Variants in GALNT14 observed in about 807,000 individuals in gnomAD.
GALNT14 encodes the protein polypeptide N-acetylgalactosaminyltransferase 14, also known as UDP-GalNAc:polypeptide N-acetylgalactosaminyltransferase 14.
In GALNT14, 60 loss-of-function variants were observed where a neutral mutation model predicts 77.5. That is an observed-to-expected ratio of 0.77 (90% confidence interval 0.63 to 0.96). The LOEUF is 0.96. Ranked by LOEUF, GALNT14 falls within the 40% of genes least tolerant of loss-of-function variation. GALNT14 has a pLI of 0.00. For synonymous variants in GALNT14, 280 were observed against 281.7 expected (o/e 0.99, Z 0.06); for missense variants, 710 against 731.0 (o/e 0.97, Z 0.33).
At chr2:30,976,886 C>T (rs1223978141) in intron 2 of GALNT14, among the ~76,000 whole-genome samples, 1 of 152,104 alleles carries the variant, frequency 6.6e-6, no homozygotes, top group African/African-American at 2.4e-5. Context: ...TGCACAGTAA[C>T]TCCCCGAGGT....
At chr2:31,047,711 G>A (rs1318855014) in intron 1 of GALNT14, among the ~76,000 whole-genome samples, 1 of 152,202 alleles carries the variant, frequency 6.6e-6, no homozygotes, top group Non-Finnish European at 1.5e-5. Context: ...GCCCAGGAGA[G>A]CATTTTCAAG....
chr2:31,049,723 A>G (rs1194279495), intron 1 of GALNT14, among the ~76,000 whole-genome samples: 1 of 152,160 alleles, frequency 6.6e-6, no homozygotes, highest in Non-Finnish European at 1.5e-5. Context: ...CCCAACCACA[A>G]ACTTGTGGCC....
chr2:31,112,187 A>G (rs574147540), intron 1 of GALNT14, among the ~76,000 whole-genome samples: 35 of 152,256 alleles, frequency 2.3e-4, no homozygotes, highest in South Asian at 1.0e-3. Context: ...CCAGAGAGCA[A>G]TGAGCCCAGC....
At position 30,940,914 on chromosome 2, in the gene GALNT14, C is replaced by T. The variant is rs532849037; in HGVS notation, c.931+1287G>A. 9.8e-5 allele frequency among the ~76,000 whole-genome samples: 15 copies of T among 152,306 alleles called. No homozygotes were observed. In the South Asian group the frequency reaches 3.1e-3, roughly 32 times the overall value. On this transcript the variant is annotated intron_variant, in intron 9 of 14. Transcript: ENST00000349752. ...GGCATCCAGTCTGGACCCTGTATGG[C>T]AGGAGACTGACTTTTCTGATGCATT...
At chr2:31,033,406 A>G (rs755019474) in intron 1 of GALNT14, among the ~76,000 whole-genome samples, 41 of 151,910 alleles carry the variant, frequency 2.7e-4, no homozygotes, top group Non-Finnish European at 4.7e-4. Context: ...AATTGTCCCA[A>G]TTCTCTCTTC....
At chr2:30,926,225 C>T (rs1426112794) in intron 11 of GALNT14, among the ~76,000 whole-genome samples, 1 of 152,108 alleles carries the variant, frequency 6.6e-6, no homozygotes, top group East Asian at 1.9e-4. Context: ...CATGATGGTG[C>T]AGTGTTACCA....
intron 3 of GALNT14, among the ~76,000 whole-genome samples, chr2:30,965,603 G>A (rs62141360): frequency 0.16 from 24,289 of 152,050 alleles, 2,065 homozygotes; most frequent in East Asian, 0.32. Context: ...AAAAACCCAC[G>A]CAGGCCAGAG....
At chr2:31,016,630 A>G (rs1407103865) in intron 1 of GALNT14, among the ~76,000 whole-genome samples, 3 of 152,008 alleles carry the variant, frequency 2.0e-5, no homozygotes, top group African/African-American at 7.2e-5. Context: ...CCCCAGAACA[A>G]GACCTGCCTC....
chr2:30,932,831 A>T (rs753551596), intron 9 of GALNT14, among the ~76,000 whole-genome samples: 8 of 152,214 alleles, frequency 5.3e-5, no homozygotes, highest in Non-Finnish European at 1.2e-4. Flanking sequence ...ATCATAACCC[A>T]GGAGGAGAAA....
At chr2:30,995,440 A>G (rs1669969156) in intron 1 of GALNT14, among the ~76,000 whole-genome samples, 2 of 152,200 alleles carry the variant, frequency 1.3e-5, no homozygotes. Flanking sequence ...AGGCTCTACC[A>G]TCTAGGTTTG....
In GALNT14 at chr2:30,999,288, A is replaced by G. The variant is rs865794742; in HGVS notation, c.130-6281T>C. Among the ~76,000 whole-genome samples the G allele has an allele frequency of 2.6e-5, 4 of 152,172 alleles. No individual in the cohort carries two copies. The South Asian group carries it at 8.3e-4, about 32-fold the overall frequency. On this transcript the variant is annotated intron_variant, in intron 1 of 14. Coordinates refer to ENST00000349752, the MANE Select transcript of GALNT14 (RefSeq NM_024572.4). ...AACCTTAAAGAACTGCAACTTCTAG[A>G]TATGTCCTTCTTATATTGATCAAGA...
intron 1 of GALNT14, among the ~76,000 whole-genome samples, chr2:31,069,104 C>T (rs867830833): frequency 1.3e-5 from 2 of 152,278 alleles, no homozygotes; most frequent in East Asian, 1.9e-4. Flanking sequence ...TGAGAATACA[C>T]TAAAACCATT....
intron 1 of GALNT14, among the ~76,000 whole-genome samples, chr2:31,097,524 C>A (rs199935578): frequency 8.9e-4 from 122 of 137,178 alleles, no homozygotes; most frequent in African/African-American, 1.0e-3. Flanking sequence ...AACAAACAAG[C>A]AAAAAAAAAA....
At chr2:31,035,275 T>C (rs1406615531) in intron 1 of GALNT14, among the ~76,000 whole-genome samples, 3 of 152,184 alleles carry the variant, frequency 2.0e-5, no homozygotes, top group African/African-American at 7.2e-5. Context: ...TTTTGGGCTC[T>C]GCCATTAGAT....
intron 1 of GALNT14, among the ~76,000 whole-genome samples, chr2:31,000,212 C>G (rs2148419000): frequency 6.6e-6 from 1 of 152,208 alleles, no homozygotes; most frequent in South Asian, 2.1e-4. Context: ...TGTTCTGGTC[C>G]CTTAGTTTAG....
intron 1 of GALNT14, among the ~76,000 whole-genome samples, chr2:31,003,593 T>C (rs1039686960): frequency 6.6e-6 from 1 of 152,124 alleles, no homozygotes; most frequent in Non-Finnish European, 1.5e-5. Flanking sequence ...CCACTGCCCA[T>C]CTCTCTCCTC....
chr2:31,005,554 T>G (rs1670621669), intron 1 of GALNT14, among the ~76,000 whole-genome samples: 2 of 152,228 alleles, frequency 1.3e-5, no homozygotes, highest in Admixed American at 6.5e-5. Context: ...ACAACATAGC[T>G]GTGGTTACTA....
At chr2:30,963,350 G>A (rs1272069774) in intron 3 of GALNT14, among the ~76,000 whole-genome samples, 2 of 152,228 alleles carry the variant, frequency 1.3e-5, no homozygotes, top group African/African-American at 4.8e-5. Context: ...CTGCCCCACA[G>A]GCTCAGGATG....
intron 1 of GALNT14, among the ~76,000 whole-genome samples, chr2:31,117,960 G>A (rs149305322): frequency 8.1e-4 from 124 of 152,276 alleles, no homozygotes; most frequent in African/African-American, 2.7e-3. Flanking sequence ...TGCATGGGAG[G>A]TTTTATAGTG....
Sources: gnomAD v4.1 joint callset for allele counts (sites outside exome capture counted in the v4.1 genomes callset) on GRCh38, gnomAD v4.1.1 for gene constraint, MANE v1.5 for transcripts, NCBI Gene and HGNC (gene_info 2026-07-23, HGNC 2026-07-21) for gene names.